The following PITPNB variants were observed in gnomAD, a reference collection of about 807,000 sequenced individuals.
The protein encoded by PITPNB is phosphatidylinositol transfer protein beta isoform.
A neutral mutation model predicts 45.9 loss-of-function variants in PITPNB; 16 were observed. The ratio of observed to expected loss-of-function variants is 0.35; its 90% CI spans 0.24 to 0.53. The LOEUF is 0.53. PITPNB is among the 20% of genes least tolerant of loss of function. PITPNB has a pLI of 0.93. For missense variants in PITPNB, 188 were observed against 330.5 expected (o/e 0.57, Z 3.34); for synonymous variants, 112 against 108.9 (o/e 1.03, Z -0.18).
chr22:27,888,065 TAGTC>T (rs1935175627), intron 7 of PITPNB, among the ~76,000 whole-genome samples: 1 of 152,232 alleles, frequency 6.6e-6, no homozygotes, highest in Non-Finnish European at 1.5e-5. Context: ...TTCTTCTTGA[TAGTC>T]CATACATAAC....
chr22:27,911,390 T>C (rs1240575826), intron 2 of PITPNB, among the ~76,000 whole-genome samples: 1 of 152,244 alleles, frequency 6.6e-6, no homozygotes, highest in Admixed American at 6.5e-5. Flanking sequence ...TACCCATTTA[T>C]CAAGAAAATG....
intron 1 of PITPNB, among the ~76,000 whole-genome samples, chr22:27,916,584 T>C (rs1936082176): frequency 6.6e-6 from 1 of 152,168 alleles, no homozygotes; most frequent in Non-Finnish European, 1.5e-5. Context: ...GCGGATCACC[T>C]GAGGTCATGA....
At chr22:27,919,035 G>GGGGA in intron 1 of PITPNB, 137 bp downstream of exon 1, 1 of 1,319,228 alleles carries the variant, frequency 7.6e-7, no homozygotes, top group Admixed American at 1.7e-5. Flanking sequence ...GAAGGGGCCG[G>GGGGA]GGGAGGGAGG....
intron 8 of PITPNB, among the ~76,000 whole-genome samples, chr22:27,865,702 G>C (rs5762391): frequency 6.6e-6 from 1 of 152,012 alleles, no homozygotes; most frequent in Non-Finnish European, 1.5e-5. Flanking sequence ...CAAATGTTGC[G>C]CGGAGGGTGA....
At chr22:27,887,831 G>C (rs1016108225) in intron 7 of PITPNB, among the ~76,000 whole-genome samples, 1 of 152,134 alleles carries the variant, frequency 6.6e-6, no homozygotes, top group Non-Finnish European at 1.5e-5. Context: ...CTAAGCCACA[G>C]ACTGTGGCAA....
intron 7 of PITPNB, among the ~76,000 whole-genome samples, chr22:27,888,479 T>C (rs879315959): frequency 1.3e-5 from 2 of 152,226 alleles, no homozygotes; most frequent in Non-Finnish European, 2.9e-5. Flanking sequence ...ACCCAGGTGT[T>C]ATCAAAAGGA....
intron 7 of PITPNB, among the ~76,000 whole-genome samples, chr22:27,882,659 T>C (rs1415474313): frequency 2.0e-5 from 3 of 152,240 alleles, no homozygotes; most frequent in Non-Finnish European, 4.4e-5. Flanking sequence ...TTTAGTAAAC[T>C]GCAAAACTCC....
chr22:27,914,205 C>T (rs1460910581), intron 2 of PITPNB, 112 bp downstream of exon 2: 4 of 706,224 alleles, frequency 5.7e-6, no homozygotes, highest in East Asian at 2.7e-5. Flanking sequence ...AATTTTGTCA[C>T]ATAAGGTGGA....
intron 7 of PITPNB, among the ~76,000 whole-genome samples, chr22:27,891,615 C>T (rs773583829): frequency 6.6e-6 from 1 of 152,130 alleles, no homozygotes; most frequent in Non-Finnish European, 1.5e-5. Flanking sequence ...GGGGCAGCTT[C>T]CCCCATGTTG....
chr22:27,865,348 T>C (rs1316990817), intron 8 of PITPNB, among the ~76,000 whole-genome samples: 1 of 152,186 alleles, frequency 6.6e-6, no homozygotes, highest in Non-Finnish European at 1.5e-5. Context: ...GTTTAATAAA[T>C]TAAATCTAAA....
intron 8 of PITPNB, among the ~76,000 whole-genome samples, chr22:27,872,604 G>A (rs1934702121): frequency 6.6e-6 from 1 of 152,132 alleles, no homozygotes; most frequent in Non-Finnish European, 1.5e-5. Context: ...CCACAAAACA[G>A]TCTAACACCC....
intron 8 of PITPNB, among the ~76,000 whole-genome samples, chr22:27,872,092 T>G (rs886728230): frequency 1.1e-4 from 15 of 135,458 alleles, no homozygotes; most frequent in South Asian, 5.1e-4. Flanking sequence ...TTTTTTTTTT[T>G]TTTTTTTTTT....
chr22:27,897,684 A>C, intron 4 of PITPNB, 117 bp downstream of exon 4: 1 of 731,684 alleles, frequency 1.4e-6, no homozygotes, highest in South Asian at 1.6e-5. Context: ...AGCAGTGACT[A>C]TCCAAGAACC....
chr22:27,861,069 A>G (rs1442867442), intron 8 of PITPNB, among the ~76,000 whole-genome samples: 2 of 149,830 alleles, frequency 1.3e-5, no homozygotes, highest in Non-Finnish European at 3.0e-5. Flanking sequence ...AGTGGCTCAC[A>G]CCTGTAATCC....
intron 3 of PITPNB, among the ~76,000 whole-genome samples, chr22:27,900,537 A>T (rs1935563491): frequency 1.3e-5 from 2 of 152,222 alleles, no homozygotes; most frequent in Admixed American, 1.3e-4. Flanking sequence ...AATAAAGTCC[A>T]AATCTATAAG....
At chr22:27,908,578 C>T (rs1935829524) in intron 3 of PITPNB, among the ~76,000 whole-genome samples, 6 of 151,900 alleles carry the variant, frequency 3.9e-5, no homozygotes, top group Admixed American at 3.9e-4. Context: ...TATTTTAGAA[C>T]CCCCAGGAAG....
At chr22:27,900,200 T>TA (rs1935552679) in intron 3 of PITPNB, among the ~76,000 whole-genome samples, 1 of 143,258 alleles carries the variant, frequency 7.0e-6, no homozygotes. Flanking sequence ...ACTCTGTCTT[T>TA]AAAATAAAAA....
chr22:27,871,581 TCTC>T lies in PITPNB; in HGVS notation c.534+2154_534+2156del, dbSNP rs756910650. Among the ~76,000 whole-genome samples the T allele has an allele frequency of 7.2e-5, 11 of 152,128 alleles. No homozygotes were observed. The East Asian group carries it at 2.1e-3, about 29-fold the overall frequency. On this transcript the variant is annotated intron_variant, in intron 8 of 11. Transcript: ENST00000335272. ...GACCAGTGTGAAATCTCAAAGGGCT[TCTC>T]CTCCAACTAAGATTGAGTTCTAAAG... is the stretch of plus-strand genomic sequence containing the variant.
intron 7 of PITPNB, among the ~76,000 whole-genome samples, chr22:27,881,419 C>G (rs1934968506): frequency 6.6e-6 from 1 of 152,160 alleles, no homozygotes; most frequent in South Asian, 2.1e-4. Context: ...TTTTGGATCA[C>G]ACACCCTAGT....
Sources: gnomAD v4.1 joint callset for allele counts (sites outside exome capture counted in the v4.1 genomes callset) on GRCh38, gnomAD v4.1.1 for gene constraint, MANE v1.5 for transcripts, NCBI Gene and HGNC (gene_info 2026-07-23, HGNC 2026-07-21) for gene names.